Variants in TBC1D2B observed in about 807,000 individuals in gnomAD.
TBC1D2B encodes the protein TBC1 domain family, member 2B.
In TBC1D2B, 64 loss-of-function variants were observed where a neutral mutation model predicts 100.8. That is an observed-to-expected ratio of 0.64 (90% CI 0.52 to 0.78). The LOEUF is 0.78. Ranked by LOEUF, TBC1D2B falls within the 30% of genes least tolerant of loss-of-function variation. TBC1D2B has a pLI of 0.00. For synonymous variants in TBC1D2B, 480 were observed against 479.7 expected (o/e 1.00, Z -0.01); for missense variants, 1,052 against 1,218.4 (o/e 0.86, Z 2.03).
At chr15:78,048,113 A>G (rs1431910564) in intron 2 of TBC1D2B, among the ~76,000 whole-genome samples, 1 of 152,274 alleles carries the variant, frequency 6.6e-6, no homozygotes, top group Admixed American at 6.5e-5. Flanking sequence ...GCAGCAACCC[A>G]CAGCCCATAC....
intron 3 of TBC1D2B, among the ~76,000 whole-genome samples, chr15:78,038,229 C>T (rs926937060): frequency 6.6e-6 from 1 of 152,162 alleles, no homozygotes. Flanking sequence ...CAGATAGGGT[C>T]CCTGCCCCAT....
In TBC1D2B at chr15:78,076,106, T is replaced by C. The variant is rs1020173293; in HGVS notation, c.360+1187A>G. 2.0e-5 allele frequency among the ~76,000 whole-genome samples: 3 copies of C among 151,794 alleles called. No individual in the cohort carries two copies. The East Asian group carries it at 5.8e-4, about 29-fold the overall frequency. On this transcript the variant is annotated intron_variant, in intron 1 of 12. Transcript: ENST00000300584. ...ACCCAGCTCCAGGCCTGGGCCCAGA[T>C]CCCTCCAGATGCTCAAAGCAGGTGG...
At chr15:78,058,054 C>T (rs370992517) in intron 1 of TBC1D2B, among the ~76,000 whole-genome samples, 1 of 152,198 alleles carries the variant, frequency 6.6e-6, no homozygotes, top group Non-Finnish European at 1.5e-5. Context: ...CTACTGAGCA[C>T]ATGAGAGATG....
chr15:78,073,207 C>A (rs2073767917), intron 1 of TBC1D2B, among the ~76,000 whole-genome samples: 1 of 152,128 alleles, frequency 6.6e-6, no homozygotes, highest in African/African-American at 2.4e-5. Flanking sequence ...TCATAAGGCA[C>A]CAGATCAAAT....
chr15:78,035,798 T>G (rs1304302545), intron 3 of TBC1D2B, among the ~76,000 whole-genome samples: 4 of 152,234 alleles, frequency 2.6e-5, no homozygotes, highest in Admixed American at 1.3e-4. Context: ...GCTAGGAAAC[T>G]GCTTAAATAA....
At chr15:78,009,683 A>C (rs1297863167) in intron 9 of TBC1D2B, among the ~76,000 whole-genome samples, 1 of 152,124 alleles carries the variant, frequency 6.6e-6, no homozygotes, top group African/African-American at 2.4e-5. Flanking sequence ...TTTCATTATA[A>C]GATTTTTGCG....
intron 2 of TBC1D2B, among the ~76,000 whole-genome samples, chr15:78,047,003 T>A (rs2073210033): frequency 1.3e-5 from 2 of 152,162 alleles, no homozygotes; most frequent in Non-Finnish European, 2.9e-5. Flanking sequence ...TGGGGAAGTA[T>A]CTTGGGCATG....
chr15:78,028,861 G>A (rs961658120), intron 4 of TBC1D2B, among the ~76,000 whole-genome samples: 5 of 152,014 alleles, frequency 3.3e-5, no homozygotes, highest in Admixed American at 2.6e-4. Flanking sequence ...CAAAGGAGGG[G>A]GAAGGGAAAA....
intron 3 of TBC1D2B, among the ~76,000 whole-genome samples, chr15:78,042,339 T>C (rs906401499): frequency 1.3e-5 from 2 of 152,160 alleles, no homozygotes; most frequent in South Asian, 4.1e-4. Context: ...TGTGTTCTTA[T>C]GATGAAAGGG....
At position 78,030,291 on chromosome 15, in the gene TBC1D2B, G is replaced by A. The variant is rs1010742675; in HGVS notation, c.684-121C>T. On this transcript the variant is annotated intron_variant, in intron 3 of 12. Coordinates refer to ENST00000300584, the MANE Select transcript of TBC1D2B (RefSeq NM_144572.2). The stretch of plus-strand genomic sequence containing the variant: ...TGATACCAAATGTTGGTGAGGATAC[G>A]GAGAAATGGGGATTCCCTTTTTTTT... The A allele has an allele frequency of 3.2e-5, 26 of 822,924 alleles. No homozygotes were observed. In the East Asian group the frequency reaches 3.8e-4, roughly 12 times the overall value. 51.0% of individuals were successfully genotyped at this position (822,924 alleles called of 1,614,324 possible).
rs1567020037 is a variant in TBC1D2B at position 78,024,349 on chromosome 15, A to C, written c.1277T>G (p.Val426Gly). The change falls in exon 6 of 13, where the codon GTA becomes GGA. Residue 426 changes from valine (V) to glycine (G), a missense_variant. Coordinates refer to ENST00000300584, the MANE Select transcript of TBC1D2B (RefSeq NM_144572.2). ...SLEKESLQQE[V>G]RTLKSKVGEL... ...GCCCACTTTGCTCTTCAGCGTCCTTACTTCCTGCTGAAGACTCTCCTTCTC... is the reference window on the plus strand; with the variant it reads ...GCCCACTTTGCTCTTCAGCGTCCTTCCTTCCTGCTGAAGACTCTCCTTCTC... 6.2e-7 allele frequency: 1 copy of C among 1,613,884 alleles called. No homozygotes were observed. The highest frequency in any genetic ancestry group is 1.7e-5 in the Admixed American group (1 of 60,018).
intron 1 of TBC1D2B, among the ~76,000 whole-genome samples, chr15:78,055,916 G>A (rs1320213876): frequency 1.3e-5 from 2 of 152,188 alleles, no homozygotes; most frequent in Non-Finnish European, 2.9e-5. Flanking sequence ...CGGGGCTGGC[G>A]TGACTGGAGA....
chr15:78,013,346 A>C (rs1170290944), intron 8 of TBC1D2B, 29 bp from the exon 9 acceptor site: 1 of 1,536,288 alleles, frequency 6.5e-7, no homozygotes, highest in East Asian at 2.3e-5. Context: ...GGAAAAATTA[A>C]AATGACAAAG....
intron 11 of TBC1D2B, 197 bp from the exon 12 acceptor site, chr15:78,001,937 C>A (rs1165247244): frequency 8.1e-6 from 4 of 494,236 alleles, no homozygotes; most frequent in African/African-American, 3.9e-5. Context: ...GGAAAATAAA[C>A]CCTGCTGGTT....
chr15:78,023,384 G>T (rs933614688), intron 6 of TBC1D2B, among the ~76,000 whole-genome samples: 3 of 152,138 alleles, frequency 2.0e-5, no homozygotes, highest in Admixed American at 6.5e-5. Flanking sequence ...CTCAAGAACC[G>T]GTGGCAGCAA....
At position 78,016,989 on chromosome 15, in the gene TBC1D2B, T is replaced by G. The variant is rs904218476; in HGVS notation, c.1582-250A>C. 9.5e-6 allele frequency: 4 copies of G among 418,974 alleles called. No homozygotes were observed. The South Asian group carries it at 1.2e-4, about 13-fold the overall frequency. 26.0% of individuals were successfully genotyped at this position (418,974 alleles called of 1,614,324 possible). A position where few individuals can be genotyped will look rare whatever the true frequency, so the allele number is the denominator to read the frequency against. ...AGACCTCTGGATGCCAACAAATGCA[T>G]CACCTCTGGACAGAGGTGGAGAGAG... On this transcript the variant is annotated intron_variant, in intron 7 of 12. Coordinates refer to ENST00000300584, the MANE Select transcript of TBC1D2B (RefSeq NM_144572.2).
At chr15:78,075,143 C>T (rs769570425) in intron 1 of TBC1D2B, among the ~76,000 whole-genome samples, 6 of 152,162 alleles carry the variant, frequency 3.9e-5, no homozygotes, top group African/African-American at 7.2e-5. Flanking sequence ...AAGTTTAAAG[C>T]CACACTTCTG....
At chr15:78,056,017 A>T (rs2073415269) in intron 1 of TBC1D2B, among the ~76,000 whole-genome samples, 2 of 152,228 alleles carry the variant, frequency 1.3e-5, no homozygotes, top group Admixed American at 1.3e-4. Flanking sequence ...GCAGGTTCAA[A>T]AGCTTCAAAG....
intron 10 of TBC1D2B, among the ~76,000 whole-genome samples, chr15:78,004,996 G>A (rs1028025062): frequency 6.6e-6 from 1 of 152,340 alleles, no homozygotes; most frequent in African/African-American, 2.4e-5. Flanking sequence ...GGAGATGGAC[G>A]GCTCACTGTA....
Sources: allele counts gnomAD v4.1 joint callset (sites outside exome capture counted in the v4.1 genomes callset), GRCh38; gene constraint gnomAD v4.1.1; transcripts MANE v1.5; gene names NCBI Gene and HGNC (gene_info 2026-07-23, HGNC 2026-07-21).